The following MPP7 variants were observed in gnomAD, a reference collection of about 807,000 sequenced individuals.
MPP7 encodes MAGUK p55 subfamily member 7.
MPP7 carries 60 observed loss-of-function variants against 76.5 expected under a neutral mutation model. The ratio of observed to expected loss-of-function variants is 0.78; its 90% CI spans 0.64 to 0.97. The LOEUF is 0.97. Among genes scored for constraint, MPP7 ranks in the 50% least tolerant of loss-of-function variants. MPP7 has a pLI of 0.00. For synonymous variants in MPP7, 237 were observed against 244.5 expected (o/e 0.97, Z 0.29); for missense variants, 641 against 694.0 (o/e 0.92, Z 0.86).
At chr10:28,293,920 A>G (rs1317091348) in intron 1 of MPP7, among the ~76,000 whole-genome samples, 2 of 152,220 alleles carry the variant, frequency 1.3e-5, no homozygotes, top group Admixed American at 1.3e-4. Flanking sequence ...AGAGGGTTTC[A>G]CTAATGAAAG....
At chr10:28,274,437 C>G (rs1052834620) in intron 1 of MPP7, among the ~76,000 whole-genome samples, 10 of 152,170 alleles carry the variant, frequency 6.6e-5, no homozygotes, top group Non-Finnish European at 1.0e-4. Flanking sequence ...GTTATCAAAG[C>G]TCCCTAAACT....
At chr10:28,160,047 T>A (rs1415240100) in intron 3 of MPP7, among the ~76,000 whole-genome samples, 1 of 151,842 alleles carries the variant, frequency 6.6e-6, no homozygotes. Context: ...AAAGCTTGAA[T>A]TTTATTCATT....
In MPP7 at chr10:28,262,778, G is replaced by A. The variant is rs780387624; in HGVS notation, c.-131-24043C>T. 8.5e-5 allele frequency among the ~76,000 whole-genome samples: 13 copies of A among 152,080 alleles called. 1 individual carries two copies. Among genetic ancestry groups the A allele is most frequent in the Non-Finnish European group, 1.6e-4 (11 of 68,028 alleles). On this transcript the variant is annotated intron_variant, in intron 1 of 16. Transcript: ENST00000683449. ...ACAATGCTAAATCTCACATTTAGCC[G>A]GACGCAGTGGCTCACGCCTGTAATC...
At chr10:28,290,322 C>T (rs1234446123) in intron 1 of MPP7, among the ~76,000 whole-genome samples, 1 of 145,946 alleles carries the variant, frequency 6.9e-6, no homozygotes, top group Non-Finnish European at 1.5e-5. Flanking sequence ...GAGAGTATTT[C>T]CAGCATATAC....
At chr10:28,160,352 C>T (rs1398009402) in intron 3 of MPP7, among the ~76,000 whole-genome samples, 3 of 152,122 alleles carry the variant, frequency 2.0e-5, no homozygotes, top group Non-Finnish European at 4.4e-5. Context: ...TTAATGCAGC[C>T]AACTATTCTT....
At chr10:28,111,836 T>C (rs866541740) in intron 11 of MPP7, among the ~76,000 whole-genome samples, 2 of 152,194 alleles carry the variant, frequency 1.3e-5, no homozygotes, top group African/African-American at 4.8e-5. Context: ...GAAAAAATAC[T>C]GGCAATATTA....
chr10:28,140,331 T>C (rs1158099297), intron 5 of MPP7, among the ~76,000 whole-genome samples: 1 of 152,030 alleles, frequency 6.6e-6, no homozygotes, highest in Admixed American at 6.6e-5. Context: ...GCCAAAATGG[T>C]GAAACCCCAA....
intron 2 of MPP7, 47 bp from the exon 3 acceptor site, chr10:28,202,318 A>C: frequency 2.0e-5 from 27 of 1,375,966 alleles, no homozygotes; most frequent in Non-Finnish European, 2.6e-5. Flanking sequence ...GAGTGATCTC[A>C]TTAATTTCGC....
chr10:28,279,692 G>C (rs954937675), intron 1 of MPP7, among the ~76,000 whole-genome samples: 1 of 149,966 alleles, frequency 6.7e-6, no homozygotes, highest in Non-Finnish European at 1.5e-5. Flanking sequence ...GTGACAGAGC[G>C]AGACGCTGTC....
At chr10:28,167,310 C>CAAAA (rs747188721) in intron 3 of MPP7, among the ~76,000 whole-genome samples, 1 of 67,796 alleles carries the variant, frequency 1.5e-5, no homozygotes, top group Non-Finnish European at 3.0e-5. Context: ...GGCTCTGCCT[C>CAAAA]AAAAAAACAA....
intron 11 of MPP7, among the ~76,000 whole-genome samples, chr10:28,113,878 G>A (rs752582261): frequency 6.6e-6 from 1 of 152,170 alleles, no homozygotes; most frequent in Non-Finnish European, 1.5e-5. Context: ...GCAGGAGAGA[G>A]GTCGAGGGAC....
chr10:28,104,744 A>G (rs1853989893), intron 11 of MPP7, among the ~76,000 whole-genome samples: 1 of 152,120 alleles, frequency 6.6e-6, no homozygotes, highest in African/African-American at 2.4e-5. Flanking sequence ...GGAAGGATGT[A>G]TTCTTTTTAA....
chr10:28,058,988 G>A (rs1035216284), intron 14 of MPP7, among the ~76,000 whole-genome samples: 1 of 152,162 alleles, frequency 6.6e-6, no homozygotes, highest in Non-Finnish European at 1.5e-5. Context: ...AGAACTAGAG[G>A]CGCTGGGTGG....
intron 2 of MPP7, among the ~76,000 whole-genome samples, chr10:28,235,310 T>C (rs1468810107): frequency 1.3e-5 from 2 of 151,292 alleles, no homozygotes; most frequent in African/African-American, 2.4e-5. Context: ...GAATTTACCA[T>C]ACTAATGTAA....
At chr10:28,310,720 C>T (rs1233044164) in intron 2 of MPP7, among the ~76,000 whole-genome samples, 1 of 152,158 alleles carries the variant, frequency 6.6e-6, no homozygotes, top group Admixed American at 6.5e-5. Context: ...CTGGATCTAC[C>T]TCATTACAGC....
intron 3 of MPP7, among the ~76,000 whole-genome samples, chr10:28,179,518 T>G (rs955343673): frequency 2.1e-4 from 32 of 152,314 alleles, no homozygotes; most frequent in Non-Finnish European, 4.0e-4. Context: ...ATATCATACA[T>G]TAATAATAAT....
At chr10:28,069,883 T>G in intron 12 of MPP7, 31 bp from the exon 13 acceptor site, 1 of 1,515,022 alleles carries the variant, frequency 6.6e-7, no homozygotes, top group Non-Finnish European at 9.2e-7. Context: ...AATTCATTAT[T>G]GGACAAAACA....
chr10:28,212,983 A>G (rs1226603275), intron 2 of MPP7, among the ~76,000 whole-genome samples: 2 of 152,140 alleles, frequency 1.3e-5, no homozygotes, highest in Non-Finnish European at 2.9e-5. Flanking sequence ...TCTGCCACTC[A>G]GGCTGTAGTG....
chr10:28,230,877 C>A (rs903246360), intron 2 of MPP7, among the ~76,000 whole-genome samples: 2 of 152,034 alleles, frequency 1.3e-5, no homozygotes, highest in South Asian at 4.2e-4. Context: ...TCCATAATCG[C>A]TGAGGGAGAT....
Sources: gnomAD v4.1 joint callset for allele counts (sites outside exome capture counted in the v4.1 genomes callset) on GRCh38, gnomAD v4.1.1 for gene constraint, MANE v1.5 for transcripts, NCBI Gene and HGNC (gene_info 2026-07-23, HGNC 2026-07-21) for gene names.